The following MINDY4 variants were observed in gnomAD, a reference collection of about 807,000 sequenced individuals.
MINDY4 encodes the protein probable ubiquitin carboxyl-terminal hydrolase MINDY-4.
A neutral mutation model predicts 87.0 loss-of-function variants in MINDY4; 68 were observed. That is an observed-to-expected ratio of 0.78 (90% CI 0.64 to 0.96). The LOEUF is 0.96. MINDY4 is among the 40% of genes least tolerant of loss of function. The pLI, the probability that MINDY4 is intolerant of heterozygous loss-of-function variation, is 0.00. For missense variants in MINDY4, 919 were observed against 928.2 expected, an observed-to-expected ratio of 0.99 and a Z score of 0.13; for synonymous variants, 379 against 363.2, an observed-to-expected ratio of 1.04 and a Z score of -0.50.
At chr7:30,827,110 G>A (rs1788538266) in intron 5 of MINDY4, among the ~76,000 whole-genome samples, 1 of 152,170 alleles carries the variant, frequency 6.6e-6, no homozygotes, top group South Asian at 2.1e-4. Context: ...GAGGTGAAGA[G>A]GCAGAGAGCA....
At chr7:30,813,858 C>G (rs995440998) in intron 5 of MINDY4, among the ~76,000 whole-genome samples, 5 of 152,186 alleles carry the variant, frequency 3.3e-5, no homozygotes, top group Non-Finnish European at 5.9e-5. Context: ...AGTCATTTCT[C>G]TGTGCTTTGG....
At chr7:30,855,582 G>A (rs973117102) in intron 12 of MINDY4, among the ~76,000 whole-genome samples, 2 of 152,228 alleles carry the variant, frequency 1.3e-5, no homozygotes, top group African/African-American at 4.8e-5. Flanking sequence ...CAGATCCTGA[G>A]GCTTGTAGCT....
chr7:30,772,439 T>G (rs1000628593), intron 1 of MINDY4, among the ~76,000 whole-genome samples: 1 of 152,252 alleles, frequency 6.6e-6, no homozygotes, highest in Non-Finnish European at 1.5e-5. Context: ...CTTTACTCAC[T>G]GTCTCAATTT....
chr7:30,773,742 A>G (rs1011257504), intron 1 of MINDY4, among the ~76,000 whole-genome samples: 1 of 152,004 alleles, frequency 6.6e-6, no homozygotes, highest in Non-Finnish European at 1.5e-5. Context: ...TGTAATCTCA[A>G]TTCCAAGCTT....
chr7:30,788,820 C>T (rs1787233880), intron 4 of MINDY4, among the ~76,000 whole-genome samples: 1 of 152,202 alleles, frequency 6.6e-6, no homozygotes, highest in Non-Finnish European at 1.5e-5. Context: ...CCGTGTCCCT[C>T]CCACTGTGTC....
intron 5 of MINDY4, among the ~76,000 whole-genome samples, chr7:30,812,056 G>A (rs1788015574): frequency 6.6e-6 from 1 of 152,060 alleles, no homozygotes. Flanking sequence ...CTACAAAAGG[G>A]CACGTGTACC....
intron 17 of MINDY4, among the ~76,000 whole-genome samples, chr7:30,891,732 G>A (rs147986802): frequency 3.3e-4 from 51 of 152,278 alleles, no homozygotes; most frequent in East Asian, 2.1e-3. Flanking sequence ...ATCACCTGCC[G>A]CCTGGCCTCT....
intron 7 of MINDY4, 51 bp downstream of exon 7, chr7:30,836,815 T>C (rs753701081): frequency 7.1e-7 from 1 of 1,414,684 alleles, no homozygotes; most frequent in Non-Finnish European, 9.9e-7. Context: ...TGAATGGATA[T>C]AGATGGCGTG....
chr7:30,811,963 T>A (rs1788012917), intron 5 of MINDY4, among the ~76,000 whole-genome samples: 2 of 152,212 alleles, frequency 1.3e-5, no homozygotes, highest in South Asian at 4.1e-4. Context: ...GGGTTTTGTC[T>A]GTGGCTTGTC....
At chr7:30,815,191 A>G (rs1232881330) in intron 5 of MINDY4, among the ~76,000 whole-genome samples, 1 of 152,210 alleles carries the variant, frequency 6.6e-6, no homozygotes. Flanking sequence ...TCCTTCAGGC[A>G]GCCACTCCTT....
chr7:30,797,912 A>T (rs563406644), intron 5 of MINDY4, among the ~76,000 whole-genome samples: 7 of 152,300 alleles, frequency 4.6e-5, no homozygotes, highest in African/African-American at 1.7e-4. Flanking sequence ...ATACATACAG[A>T]CATACATCAG....
chr7:30,889,679 A>T (rs1235016160), intron 17 of MINDY4, among the ~76,000 whole-genome samples: 1 of 152,196 alleles, frequency 6.6e-6, no homozygotes, highest in East Asian at 1.9e-4. Context: ...AAGCCCAGTA[A>T]ATAGTCTGAA....
intron 13 of MINDY4, among the ~76,000 whole-genome samples, chr7:30,859,875 ACT>A (rs2128574045): frequency 6.6e-6 from 1 of 151,652 alleles, no homozygotes; most frequent in South Asian, 2.1e-4. Context: ...CTCTATGCTG[ACT>A]CTGTATCAGG....
chr7:30,831,888 T>G (rs1475206813), intron 6 of MINDY4, among the ~76,000 whole-genome samples: 1 of 152,224 alleles, frequency 6.6e-6, no homozygotes, highest in Non-Finnish European at 1.5e-5. Context: ...ACCCCTTGCT[T>G]CTTTTCAATT....
chr7:30,822,776 C>T (rs997349177), intron 5 of MINDY4, among the ~76,000 whole-genome samples: 10 of 151,900 alleles, frequency 6.6e-5, no homozygotes, highest in African/African-American at 1.9e-4. Context: ...GCTAGGACTA[C>T]AGGCATGCAC....
chr7:30,867,443 A>G (rs1453518178), intron 13 of MINDY4, among the ~76,000 whole-genome samples: 1 of 152,168 alleles, frequency 6.6e-6, no homozygotes, highest in Non-Finnish European at 1.5e-5. Context: ...TGCTTTATAT[A>G]GTTCATCTCA....
intron 7 of MINDY4, among the ~76,000 whole-genome samples, chr7:30,838,422 G>A (rs185666002): frequency 6.6e-5 from 10 of 152,260 alleles, no homozygotes; most frequent in East Asian, 3.9e-4. Flanking sequence ...AGGTTCTTAC[G>A]CATGGTAGAG....
intron 14 of MINDY4, among the ~76,000 whole-genome samples, chr7:30,874,886 G>C (rs980833193): frequency 6.6e-6 from 1 of 152,216 alleles, no homozygotes; most frequent in African/African-American, 2.4e-5. Flanking sequence ...AGATGTTATC[G>C]TTGGGGGAAG....
At chr7:30,790,426 T>C (rs773958594) in intron 4 of MINDY4, among the ~76,000 whole-genome samples, 23 of 151,182 alleles carry the variant, frequency 1.5e-4, no homozygotes, top group Non-Finnish European at 2.9e-4. Context: ...TTAAAAAACC[T>C]TTCATTTTCA....
Sources: allele counts gnomAD v4.1 joint callset (sites outside exome capture counted in the v4.1 genomes callset), GRCh38; gene constraint gnomAD v4.1.1; transcripts MANE v1.5; gene names NCBI Gene and HGNC (gene_info 2026-07-23, HGNC 2026-07-21).